The following TSPEAR variants were observed in gnomAD, a reference collection of about 807,000 sequenced individuals.
The protein encoded by TSPEAR is thrombospondin type laminin G domain and EAR repeats.
Under a neutral mutation model 71.6 loss-of-function variants are expected in TSPEAR, and 69 were observed. The observed-to-expected ratio is 0.96, with a 90% CI of 0.79 to 1.18. TSPEAR has a LOEUF of 1.18. Among genes scored for constraint, TSPEAR ranks in the 50% most tolerant of loss-of-function variants. The pLI, the probability that TSPEAR is intolerant of heterozygous loss-of-function variation, is 0.00. For synonymous variants in TSPEAR, 402 were observed against 387.2 expected (o/e 1.04, Z -0.45); for missense variants, 971 against 894.9 (o/e 1.09, Z -1.09).
rs200839483 is a variant in TSPEAR, at chr21:44,558,748, C to T, written c.303+9037G>A. On this transcript the variant is annotated intron_variant, in intron 2 of 11. Coordinates refer to ENST00000323084, the MANE Select transcript of TSPEAR (RefSeq NM_144991.3). ...TGGGGAGGAGGTGAGCTGGGGGAGA[C>T]GTGAGTGAGTGAGTGTGGGAGTGAG... The T allele has an allele frequency of 1.8e-4, 288 of 1,571,598 alleles. No homozygotes were observed. In the African/African-American group the frequency reaches 2.0e-3, roughly 11 times the overall value.
intron 1 of TSPEAR, chr21:44,698,172 T>G: frequency 1.7e-6 from 1 of 603,526 alleles, no homozygotes; most frequent in Non-Finnish European, 2.9e-6. Flanking sequence ...ACTTCCCACA[T>G]TCCAGGCCCC....
chr21:44,693,706 C>A (rs1555950058), intron 1 of TSPEAR, among the ~76,000 whole-genome samples: 1 of 150,318 alleles, frequency 6.7e-6, no homozygotes, highest in Non-Finnish European at 1.5e-5. Flanking sequence ...AATTGGAACC[C>A]TCATACTTTA....
intron 11 of TSPEAR, among the ~76,000 whole-genome samples, chr21:44,500,140 G>A (rs1392720203): frequency 1.3e-5 from 2 of 152,210 alleles, no homozygotes; most frequent in African/African-American, 4.8e-5. Flanking sequence ...CTGAGGCCCA[G>A]AAGAGGAAAG....
chr21:44,517,524 G>A (rs371394385), intron 9 of TSPEAR: 15 of 334,742 alleles, frequency 4.5e-5, no homozygotes, highest in African/African-American at 2.2e-4. Context: ...GTGAGGACAC[G>A]TGAGTACAGG....
At chr21:44,531,358 T>G (rs2052967751) in intron 3 of TSPEAR, among the ~76,000 whole-genome samples, 1 of 152,210 alleles carries the variant, frequency 6.6e-6, no homozygotes, top group South Asian at 2.1e-4. Context: ...GGACGCTTCC[T>G]CGACTCATCA....
intron 2 of TSPEAR, among the ~76,000 whole-genome samples, chr21:44,552,500 G>A (rs2053459265): frequency 6.6e-6 from 1 of 152,164 alleles, no homozygotes; most frequent in African/African-American, 2.4e-5. Flanking sequence ...ATAGCGCTAG[G>A]GAGGCTCACT....
chr21:44,641,146 C>T (rs1420914091), intron 1 of TSPEAR, among the ~76,000 whole-genome samples: 2 of 152,200 alleles, frequency 1.3e-5, no homozygotes, highest in Non-Finnish European at 2.9e-5. Context: ...TAGACCCTCA[C>T]TTAAAAATGT....
At chr21:44,644,826 A>C (rs1211941365) in intron 1 of TSPEAR, among the ~76,000 whole-genome samples, 5 of 152,228 alleles carry the variant, frequency 3.3e-5, no homozygotes, top group South Asian at 2.1e-4. Context: ...TTTATATTGA[A>C]AGGCTCAATA....
intron 2 of TSPEAR, among the ~76,000 whole-genome samples, chr21:44,556,116 G>A (rs951891059): frequency 6.6e-6 from 1 of 152,336 alleles, no homozygotes; most frequent in Non-Finnish European, 1.5e-5. Context: ...GGTGGCTCAC[G>A]CTTGTAATCC....
At chr21:44,538,414 A>G (rs2053130650) in intron 2 of TSPEAR, among the ~76,000 whole-genome samples, 1 of 101,788 alleles carries the variant, frequency 9.8e-6, no homozygotes, top group Non-Finnish European at 1.9e-5. Context: ...ACCTGTGTGG[A>G]AACTGCTGCC....
At position 44,563,887 on chromosome 21, in the gene TSPEAR, T is replaced by C. The variant is rs147827009; in HGVS notation, c.303+3898A>G. Reference sequence around the variant, plus strand: ...AGCCAACAGTACTACAACTTATGCCTTAACAAAGCTTCTCTAACATACATA... The same window carrying C: ...AGCCAACAGTACTACAACTTATGCCCTAACAAAGCTTCTCTAACATACATA... On this transcript the variant is annotated intron_variant, in intron 2 of 11. Coordinates refer to ENST00000323084, the MANE Select transcript of TSPEAR (RefSeq NM_144991.3). 3.0e-3 allele frequency among the ~76,000 whole-genome samples: 454 copies of C among 152,338 alleles called. 5 individuals are homozygous for C. The highest frequency in any genetic ancestry group is 9.9e-3 in the African/African-American group (413 of 41,588).
Position 44,597,471 on chromosome 21 carries a change from C to T in TSPEAR, c.83-29466G>A, listed in dbSNP as rs372739225. 1.6e-4 allele frequency among the ~76,000 whole-genome samples: 23 copies of T among 144,520 alleles called. No homozygotes were observed. The East Asian group carries it at 2.0e-3, about 13-fold the overall frequency. 94.8% of individuals were successfully genotyped at this position (144,520 alleles called of 152,430 possible). A position where few individuals can be genotyped will look rare whatever the true frequency, so the allele number is the denominator to read the frequency against. On this transcript the variant is annotated intron_variant, in intron 1 of 11. Transcript: ENST00000323084. ...TTTTTTGATGGAGTCTCACTCTTGT[C>T]GCCCAGGCTGGAGGGCAGTGGTGCG... is the stretch of plus-strand genomic sequence containing the variant.
intron 1 of TSPEAR, chr21:44,602,014 A>G (rs75053396): frequency 0.017 from 9,579 of 566,192 alleles, 535 homozygotes; most frequent in African/African-American, 0.14. Context: ...CGGTGTGGGG[A>G]GAAATGAGGG....
intron 2 of TSPEAR, among the ~76,000 whole-genome samples, chr21:44,534,360 G>A (rs1373223484): frequency 2.2e-5 from 2 of 90,364 alleles, no homozygotes; most frequent in Non-Finnish European, 4.5e-5. Context: ...CGGGGCTGGT[G>A]TGTGTGGGGC....
chr21:44,587,583 G>A (rs371860470), intron 1 of TSPEAR, among the ~76,000 whole-genome samples: 2 of 152,186 alleles, frequency 1.3e-5, no homozygotes, highest in South Asian at 2.1e-4. Flanking sequence ...GCAAGACTAA[G>A]CAAAAAGAAC....
chr21:44,649,812 T>C (rs1984668025), intron 1 of TSPEAR, among the ~76,000 whole-genome samples: 1 of 152,180 alleles, frequency 6.6e-6, no homozygotes, highest in Admixed American at 6.5e-5. Context: ...CAGTGGACTC[T>C]TCCTTCCCAA....
rs1486901419 is a variant in TSPEAR, at chr21:44,509,086, C to G, written c.1754+113G>C. ...AGGCCATTCTTTCCACAGGAAGGTC[C>G]CCAGGCCAGTCTTTCCACGGGAAGG... On this transcript the variant is annotated intron_variant, in intron 10 of 11. Transcript: ENST00000323084. The G allele has an allele frequency of 8.7e-6, 12 of 1,380,246 alleles. No homozygotes were observed. In the African/African-American group the frequency reaches 1.8e-4, roughly 20 times the overall value. The allele number at this position is 1,380,246 out of a possible 1,614,324, so 85.5% of individuals were successfully genotyped here.
intron 1 of TSPEAR, among the ~76,000 whole-genome samples, chr21:44,629,542 G>C (rs1017179939): frequency 6.6e-6 from 1 of 152,302 alleles, no homozygotes; most frequent in African/African-American, 2.4e-5. Flanking sequence ...GAATTCGGGG[G>C]CATCACAAGT....
At chr21:44,639,263 A>T (rs1318723728) in intron 1 of TSPEAR, among the ~76,000 whole-genome samples, 2 of 151,868 alleles carry the variant, frequency 1.3e-5, no homozygotes, top group Admixed American at 6.6e-5. Context: ...TCCGTCCCAG[A>T]TGCCACGTCG....
Sources: gnomAD v4.1 joint callset for allele counts (sites outside exome capture counted in the v4.1 genomes callset) on GRCh38, gnomAD v4.1.1 for gene constraint, MANE v1.5 for transcripts, NCBI Gene and HGNC (gene_info 2026-07-23, HGNC 2026-07-21) for gene names.